Variants in GRM8 observed in about 807,000 individuals in gnomAD.
GRM8 encodes the protein glutamate metabotropic receptor 8.
Under a neutral mutation model 87.2 loss-of-function variants are expected in GRM8, and 47 were observed. The ratio of observed to expected loss-of-function variants is 0.54; its 90% CI spans 0.43 to 0.69. The LOEUF is 0.69. Among genes scored for constraint, GRM8 ranks in the 30% least tolerant of loss-of-function variants. The pLI, the probability that GRM8 is intolerant of heterozygous loss-of-function variation, is 0.00. For synonymous variants in GRM8, 396 were observed against 404.5 expected (o/e 0.98, Z 0.25); for missense variants, 1,019 against 1,139.2 (o/e 0.89, Z 1.52).
intron 9 of GRM8, among the ~76,000 whole-genome samples, chr7:126,471,411 C>A (rs1805209313): frequency 6.6e-6 from 1 of 152,110 alleles, no homozygotes; most frequent in Admixed American, 6.5e-5. Flanking sequence ...CTATGTATGG[C>A]TAGCCAGTTT....
Position 126,826,290 on chromosome 7 carries a change from C to G in GRM8, c.1157-56225G>C, listed in dbSNP as rs554674542. Among the ~76,000 whole-genome samples the G allele has an allele frequency of 1.0e-3, 155 of 152,242 alleles. 1 individual carries two copies. The highest frequency in any genetic ancestry group is 1.2e-3 in the Non-Finnish European group (83 of 68,026). The stretch of plus-strand genomic sequence containing the variant: ...TTCTAGTTCTAGATCCCTGAGGAAT[C>G]GCCACACTGACTTCCACAATGGTTG... On this transcript the variant is annotated intron_variant, in intron 6 of 10. Coordinates refer to ENST00000339582, the MANE Select transcript of GRM8 (RefSeq NM_000845.3).
chr7:126,445,047 C>T (rs1801865940), intron 10 of GRM8, among the ~76,000 whole-genome samples: 1 of 151,924 alleles, frequency 6.6e-6, no homozygotes, highest in African/African-American at 2.4e-5. Flanking sequence ...TGCCTGCAGT[C>T]CTAGCTATTT....
chr7:126,508,920 G>C (rs944075770), intron 9 of GRM8, among the ~76,000 whole-genome samples: 13 of 152,038 alleles, frequency 8.6e-5, no homozygotes, highest in African/African-American at 3.1e-4. Flanking sequence ...AACTGTGTTT[G>C]CAAGTACCAA....
At chr7:126,721,482 T>C (rs192231737) in intron 7 of GRM8, among the ~76,000 whole-genome samples, 1 of 152,200 alleles carries the variant, frequency 6.6e-6, no homozygotes, top group African/African-American at 2.4e-5. Context: ...TTTCTTGGTG[T>C]TGTTGCCATT....
intron 3 of GRM8, among the ~76,000 whole-genome samples, chr7:127,040,021 TGAGGAGGGAG>T (rs1818258147): frequency 1.1e-4 from 2 of 18,012 alleles, no homozygotes; most frequent in Non-Finnish European, 2.1e-4. Context: ...GAGGGGAGGG[TGAGGAGGGAG>T]GGGAGGGTGA....
Position 126,606,446 on chromosome 7 carries a change from T to G in GRM8, c.1494+2916A>C, listed in dbSNP as rs2237746. Among the ~76,000 whole-genome samples the G allele has an allele frequency of 2.8e-3, 434 of 152,298 alleles. 11 individuals carry two copies. In the South Asian group the frequency reaches 0.042, roughly 15 times the overall value. On this transcript the variant is annotated intron_variant, in intron 8 of 10. Coordinates refer to ENST00000339582, the MANE Select transcript of GRM8 (RefSeq NM_000845.3). Reference sequence around the variant, plus strand: ...TAAGGTGGGTGCTACTGTTTTCATTTTAGACATGATAAAACTGAGGCAAAT... The same window carrying G: ...TAAGGTGGGTGCTACTGTTTTCATTGTAGACATGATAAAACTGAGGCAAAT...
intron 3 of GRM8, among the ~76,000 whole-genome samples, chr7:126,908,916 T>C (rs1802987681): frequency 6.6e-6 from 1 of 152,232 alleles, no homozygotes; most frequent in Admixed American, 6.5e-5. Flanking sequence ...AAAGTGTAGA[T>C]AAATTATTTC....
At chr7:127,198,591 T>C (rs1245704454) in intron 2 of GRM8, among the ~76,000 whole-genome samples, 1 of 152,124 alleles carries the variant, frequency 6.6e-6, no homozygotes, top group Non-Finnish European at 1.5e-5. Flanking sequence ...TGGGTTTTTG[T>C]TGTTTTGTTT....
intron 6 of GRM8, among the ~76,000 whole-genome samples, chr7:126,829,911 C>G (rs1206467982): frequency 4.6e-5 from 7 of 152,120 alleles, no homozygotes; most frequent in African/African-American, 1.7e-4. Flanking sequence ...GTGACAAAAT[C>G]TCTCAGCATT....
chr7:126,533,948 T>C, intron 8 of GRM8, 61 bp from the exon 9 acceptor site: 1 of 1,213,434 alleles, frequency 8.2e-7, no homozygotes, highest in Non-Finnish European at 1.2e-6. Flanking sequence ...ATCCTAATCC[T>C]AGCCACGGGT....
chr7:126,753,973 T>C (rs1816727997), intron 7 of GRM8, among the ~76,000 whole-genome samples: 1 of 152,018 alleles, frequency 6.6e-6, no homozygotes, highest in East Asian at 1.9e-4. Flanking sequence ...TGATTAAGTA[T>C]TCATATTCCC....
At chr7:127,174,900 T>A (rs188729330) in intron 2 of GRM8, among the ~76,000 whole-genome samples, 1 of 152,316 alleles carries the variant, frequency 6.6e-6, no homozygotes, top group East Asian at 1.9e-4. Flanking sequence ...AGGTGCTTCT[T>A]TCCCTTAAGG....
At chr7:126,780,413 A>C (rs1819932184) in intron 6 of GRM8, among the ~76,000 whole-genome samples, 1 of 152,196 alleles carries the variant, frequency 6.6e-6, no homozygotes, top group Non-Finnish European at 1.5e-5. Flanking sequence ...TGTTGAAAAG[A>C]ATAGGCACTA....
At chr7:127,080,904 T>C (rs1405093700) in intron 3 of GRM8, 1 of 152,186 alleles carries the variant, frequency 6.6e-6, no homozygotes, top group African/African-American at 2.4e-5. Flanking sequence ...ATGCACTCAT[T>C]ATTTAAGCTA....
At chr7:126,882,292 A>G (rs1272341283) in intron 6 of GRM8, among the ~76,000 whole-genome samples, 2 of 152,088 alleles carry the variant, frequency 1.3e-5, no homozygotes, top group Non-Finnish European at 1.5e-5. Flanking sequence ...CTAGAAATTT[A>G]TAGCTTCAGG....
intron 2 of GRM8, among the ~76,000 whole-genome samples, chr7:127,163,696 G>T (rs925615293): frequency 3.3e-5 from 5 of 152,120 alleles, no homozygotes; most frequent in African/African-American, 1.2e-4. Flanking sequence ...AGCGTGTTTG[G>T]TCATGATTTG....
intron 7 of GRM8, among the ~76,000 whole-genome samples, chr7:126,720,483 G>T (rs187019413): frequency 6.6e-6 from 1 of 152,040 alleles, no homozygotes; most frequent in African/African-American, 2.4e-5. Context: ...TCATTCTTCT[G>T]ACAGAAAACC....
At chr7:126,802,840 T>C (rs553813176) in intron 6 of GRM8, among the ~76,000 whole-genome samples, 16 of 152,226 alleles carry the variant, frequency 1.1e-4, no homozygotes, top group Admixed American at 7.2e-4. Context: ...AGCACAAAGG[T>C]CAAAATGCAC....
At chr7:126,679,708 T>A (rs992584748) in intron 7 of GRM8, among the ~76,000 whole-genome samples, 1 of 152,192 alleles carries the variant, frequency 6.6e-6, no homozygotes, top group African/African-American at 2.4e-5. Context: ...ATGCAAGGGC[T>A]ATTTTTCTCA....
Sources: allele counts gnomAD v4.1 joint callset (sites outside exome capture counted in the v4.1 genomes callset), GRCh38; gene constraint gnomAD v4.1.1; transcripts MANE v1.5; gene names NCBI Gene and HGNC (gene_info 2026-07-23, HGNC 2026-07-21).